The following KCNQ3 variants were observed in gnomAD, a reference collection of about 807,000 sequenced individuals.
KCNQ3 encodes potassium voltage-gated channel subfamily KQT member 3.
KCNQ3 carries 30 observed loss-of-function variants against 92.5 expected under a neutral mutation model. The ratio of observed to expected loss-of-function variants is 0.32; its 90% CI spans 0.24 to 0.44. The LOEUF (loss-of-function observed/expected upper bound fraction) is 0.44. KCNQ3 is among the 20% of genes least tolerant of loss of function. The pLI, the probability that KCNQ3 is intolerant of heterozygous loss-of-function variation, is 1.00. For synonymous variants in KCNQ3, 450 were observed against 468.8 expected, an observed-to-expected ratio of 0.96 and a Z score of 0.52; for missense variants, 913 against 1,140.3, an observed-to-expected ratio of 0.80 and a Z score of 2.87.
At chr8:132,366,581 T>C (rs1457249139) in intron 1 of KCNQ3, among the ~76,000 whole-genome samples, 1 of 152,182 alleles carries the variant, frequency 6.6e-6, no homozygotes, top group African/African-American at 2.4e-5. Flanking sequence ...GTTTTCTCAG[T>C]AAGCATGATG....
At chr8:132,388,658 C>T (rs186845882) in intron 1 of KCNQ3, among the ~76,000 whole-genome samples, 52 of 152,190 alleles carry the variant, frequency 3.4e-4, no homozygotes, top group Admixed American at 1.5e-3. Flanking sequence ...TTATTAATTT[C>T]TTATTTATTT....
At chr8:132,182,770 G>A (rs1215772392) in intron 3 of KCNQ3, among the ~76,000 whole-genome samples, 4 of 151,892 alleles carry the variant, frequency 2.6e-5, no homozygotes, top group Non-Finnish European at 4.4e-5. Flanking sequence ...AAACTTGGAG[G>A]GAAGAAAAAT....
Position 132,480,465 on chromosome 8 carries a change from C to T in KCNQ3, c.68G>A (p.Gly23Asp), listed in dbSNP as rs1822526458. 7.9e-7 allele frequency: 1 copy of T among 1,258,634 alleles called. No homozygotes were observed. 78.0% of individuals were successfully genotyped at this position (1,258,634 alleles called of 1,614,324 possible). The part of the protein sequence containing the change: ...GGGGDGGGGG[G>D]GAANPAGGDA... ...CCCTCCGGCTGGGTTAGCCGCCCCG[C>T]CGCCTCCGCCGCCCCCGTCGCCGCC... The change falls in exon 1 of 15, where the codon GGC (glycine) becomes GAC (aspartate). Residue 23 changes from glycine (G) to aspartate (D), a missense_variant. Physicochemically the swap from Gly to Asp is moderately conservative, Grantham distance 94. Coordinates refer to ENST00000388996, the MANE Select transcript of KCNQ3 (RefSeq NM_004519.4).
intron 1 of KCNQ3, among the ~76,000 whole-genome samples, chr8:132,249,496 G>A (rs560650160): frequency 6.7e-6 from 1 of 149,366 alleles, no homozygotes; most frequent in South Asian, 2.1e-4. Context: ...TACAAACCTT[G>A]AGCTAGACAC....
intron 1 of KCNQ3, among the ~76,000 whole-genome samples, chr8:132,190,841 T>C (rs1423752567): frequency 6.6e-6 from 1 of 152,246 alleles, no homozygotes; most frequent in Non-Finnish European, 1.5e-5. Flanking sequence ...CAAATGCATC[T>C]CACTTTTATA....
At chr8:132,269,760 G>C (rs2130495147) in intron 1 of KCNQ3, among the ~76,000 whole-genome samples, 1 of 152,216 alleles carries the variant, frequency 6.6e-6, no homozygotes, top group South Asian at 2.1e-4. Context: ...TAAAGACAAG[G>C]GCCCAGTCTC....
chr8:132,132,072 A>G (rs2130927679), intron 14 of KCNQ3, 108 bp downstream of exon 14: 1 of 789,192 alleles, frequency 1.3e-6, no homozygotes, highest in East Asian at 2.7e-5. Flanking sequence ...TGGGCAACAG[A>G]GTGAACCTTC....
chr8:132,293,396 G>T (rs1275426367), intron 1 of KCNQ3, among the ~76,000 whole-genome samples: 1 of 152,118 alleles, frequency 6.6e-6, no homozygotes, highest in Admixed American at 6.5e-5. Context: ...TGTCAGAATT[G>T]ATTTGGGGGA....
chr8:132,405,962 G>C lies in KCNQ3; in HGVS notation c.386+74185C>G, dbSNP rs144596697. ...GTCTTAGGCAACACTGAACTAAGCA[G>C]TCAGCCACAGAGAACAACAAACCAG... On this transcript the variant is annotated intron_variant, in intron 1 of 14. Coordinates refer to ENST00000388996, the MANE Select transcript of KCNQ3 (RefSeq NM_004519.4). Among the ~76,000 whole-genome samples, 516 of 152,268 alleles carry C rather than the reference G, an allele frequency of 3.4e-3. 3 individuals are homozygous for C. Among genetic ancestry groups the C allele is most frequent in the African/African-American group, 0.012 (482 of 41,552 alleles).
At chr8:132,480,106 C>A in intron 1 of KCNQ3, 41 bp downstream of exon 1, 1 of 1,587,508 alleles carries the variant, frequency 6.3e-7, no homozygotes, top group Non-Finnish European at 8.6e-7. Flanking sequence ...AGTCCCCAAG[C>A]GCGCCGCCGC....
intron 1 of KCNQ3, among the ~76,000 whole-genome samples, chr8:132,324,376 C>G (rs1036346294): frequency 1.3e-5 from 2 of 152,172 alleles, no homozygotes; most frequent in Non-Finnish European, 2.9e-5. Flanking sequence ...TCTCTAAGCA[C>G]AACATCTAAA....
intron 1 of KCNQ3, among the ~76,000 whole-genome samples, chr8:132,366,812 C>T (rs945727886): frequency 2.6e-5 from 4 of 152,102 alleles, no homozygotes; most frequent in African/African-American, 9.7e-5. Context: ...TCCATTTGAT[C>T]ATGGAATATT....
intron 1 of KCNQ3, among the ~76,000 whole-genome samples, chr8:132,247,418 C>G (rs1348215922): frequency 6.6e-6 from 1 of 152,138 alleles, no homozygotes; most frequent in African/African-American, 2.4e-5. Flanking sequence ...ACAAAATAAC[C>G]TTGTTATTAT....
At chr8:132,227,550 A>C (rs75905741) in intron 1 of KCNQ3, among the ~76,000 whole-genome samples, 4,859 of 152,226 alleles carry the variant, frequency 0.032, 135 homozygotes, top group Non-Finnish European at 0.048. Context: ...GTGGAAAAAT[A>C]AGTTTCTGCA....
At chr8:132,318,312 G>C (rs993322473) in intron 1 of KCNQ3, among the ~76,000 whole-genome samples, 13 of 152,216 alleles carry the variant, frequency 8.5e-5, no homozygotes, top group African/African-American at 3.1e-4. Context: ...TGGTGATGGG[G>C]TATCTGACCA....
chr8:132,262,392 C>G (rs1481009413), intron 1 of KCNQ3, among the ~76,000 whole-genome samples: 1 of 152,096 alleles, frequency 6.6e-6, no homozygotes, highest in Non-Finnish European at 1.5e-5. Flanking sequence ...TGAATTATAT[C>G]TCAATAAAGA....
At chr8:132,406,976 C>T (rs187869634) in intron 1 of KCNQ3, among the ~76,000 whole-genome samples, 1 of 152,182 alleles carries the variant, frequency 6.6e-6, no homozygotes, top group East Asian at 1.9e-4. Context: ...ACATTTCTTT[C>T]CCCTTTTATG....
chr8:132,338,254 G>A (rs1279318053), intron 1 of KCNQ3, among the ~76,000 whole-genome samples: 4 of 152,194 alleles, frequency 2.6e-5, no homozygotes, highest in Non-Finnish European at 5.9e-5. Context: ...TCACACATTA[G>A]TGTGTAAAGG....
chr8:132,195,888 G>A (rs1827286333), intron 1 of KCNQ3, among the ~76,000 whole-genome samples: 1 of 152,092 alleles, frequency 6.6e-6, no homozygotes, highest in Non-Finnish European at 1.5e-5. Context: ...ACTTTAAAAT[G>A]GACTTCAAGA....
Sources: allele counts gnomAD v4.1 joint callset (sites outside exome capture counted in the v4.1 genomes callset), GRCh38; gene constraint gnomAD v4.1.1; transcripts MANE v1.5; gene names NCBI Gene and HGNC (gene_info 2026-07-23, HGNC 2026-07-21).